CCSER1: variants seen among roughly 807,000 people sequenced by gnomAD.
CCSER1 encodes serine-rich coiled-coil domain-containing protein 1.
CCSER1 carries 41 observed loss-of-function variants against 82.0 expected under a neutral mutation model. The ratio of observed to expected loss-of-function variants is 0.50; its 90% confidence interval spans 0.39 to 0.65. CCSER1 has a LOEUF of 0.65. Ranked by LOEUF, CCSER1 falls within the 30% of genes least tolerant of loss-of-function variation. CCSER1 has a pLI of 0.00. For missense variants in CCSER1, 1,119 were observed against 1,064.2 expected (o/e 1.05, Z -0.72); for synonymous variants, 414 against 383.9 (o/e 1.08, Z -0.92).
At chr4:90,666,455 A>G (rs1731801806) in intron 6 of CCSER1, among the ~76,000 whole-genome samples, 1 of 152,160 alleles carries the variant, frequency 6.6e-6, no homozygotes, top group Non-Finnish European at 1.5e-5. Flanking sequence ...TTTGGCATTA[A>G]TCAGCCAAAA....
At chr4:90,664,492 C>T (rs888559829) in intron 6 of CCSER1, among the ~76,000 whole-genome samples, 51 of 152,036 alleles carry the variant, frequency 3.4e-4, no homozygotes, top group Admixed American at 4.6e-4. Context: ...TATTTTTCTA[C>T]CTTAACATAC....
At chr4:91,173,663 C>G (rs1193752689) in intron 10 of CCSER1, among the ~76,000 whole-genome samples, 4 of 150,818 alleles carry the variant, frequency 2.7e-5, no homozygotes, top group African/African-American at 9.8e-5. Context: ...TTGCTACATT[C>G]CAGGAAAAGA....
chr4:90,362,505 G>A (rs1745545778), intron 3 of CCSER1, among the ~76,000 whole-genome samples: 1 of 152,164 alleles, frequency 6.6e-6, no homozygotes, highest in African/African-American at 2.4e-5. Flanking sequence ...AAGGCTAGGT[G>A]TAATTGAGAA....
chr4:90,824,997 T>C (rs570581170), intron 8 of CCSER1, among the ~76,000 whole-genome samples: 1 of 152,314 alleles, frequency 6.6e-6, no homozygotes, highest in South Asian at 2.1e-4. Flanking sequence ...TATCCTATGA[T>C]ACATAATGGG....
chr4:90,714,710 A>G (rs1741310542), intron 6 of CCSER1, among the ~76,000 whole-genome samples: 1 of 152,070 alleles, frequency 6.6e-6, no homozygotes, highest in African/African-American at 2.4e-5. Flanking sequence ...ACATAAAGTT[A>G]GAAACTGCAG....
At chr4:90,911,135 A>G (rs1320541756) in intron 8 of CCSER1, 10 of 366,132 alleles carry the variant, frequency 2.7e-5, no homozygotes, top group African/African-American at 2.1e-4. Context: ...TCCAATATCC[A>G]TTGTTAAATC....
chr4:90,936,731 T>C (rs1730981784), intron 9 of CCSER1, among the ~76,000 whole-genome samples: 1 of 152,164 alleles, frequency 6.6e-6, no homozygotes, highest in Admixed American at 6.5e-5. Context: ...TAATATAACA[T>C]ATAAAATATA....
intron 5 of CCSER1, among the ~76,000 whole-genome samples, chr4:90,615,719 A>C (rs1579489173): frequency 1.3e-5 from 2 of 151,966 alleles, no homozygotes; most frequent in Non-Finnish European, 2.9e-5. Context: ...CTCTTAGTGA[A>C]TATGCTGTGA....
intron 7 of CCSER1, among the ~76,000 whole-genome samples, chr4:90,734,522 G>A (rs546647272): frequency 1.2e-4 from 19 of 152,020 alleles, no homozygotes; most frequent in Non-Finnish European, 2.6e-4. Flanking sequence ...ATTGTAGAGA[G>A]CTTTCATTTA....
intron 9 of CCSER1, among the ~76,000 whole-genome samples, chr4:90,988,179 A>G (rs1037957558): frequency 6.6e-6 from 1 of 151,244 alleles, no homozygotes. Flanking sequence ...AAATTAAAAA[A>G]TTAAAAATTA....
chr4:91,528,486 A>G (rs993019084), intron 10 of CCSER1, among the ~76,000 whole-genome samples: 3 of 152,182 alleles, frequency 2.0e-5, no homozygotes, highest in Admixed American at 6.5e-5. Flanking sequence ...AAAAAGAGAC[A>G]TATTTCCAAA....
chr4:91,592,049 C>T lies in CCSER1; in HGVS notation c.2218-6523C>T, dbSNP rs138142658. On this transcript the variant is annotated intron_variant, in intron 10 of 10. Transcript: ENST00000509176. ...CAGTAAATGCCAGGTACTGGTAGGA[C>T]ATGTGTATTCAGCATTGAACAAGAC... 2.9e-4 allele frequency among the ~76,000 whole-genome samples: 44 copies of T among 152,230 alleles called. 1 individual carries two copies. The highest frequency in any genetic ancestry group is 6.6e-4 in the Admixed American group (10 of 15,266).
chr4:91,131,416 T>G (rs546846496), intron 10 of CCSER1, among the ~76,000 whole-genome samples: 1 of 151,932 alleles, frequency 6.6e-6, no homozygotes, highest in African/African-American at 2.4e-5. Flanking sequence ...GACCTGGTTG[T>G]ATCTGATAGT....
At chr4:91,063,741 GA>G (rs1471710227) in intron 9 of CCSER1, among the ~76,000 whole-genome samples, 3 of 152,078 alleles carry the variant, frequency 2.0e-5, no homozygotes, top group African/African-American at 4.8e-5. Flanking sequence ...AATTAGAATG[GA>G]AATAAATCCT....
chr4:90,572,469 A>G (rs939149318), intron 5 of CCSER1, among the ~76,000 whole-genome samples: 1 of 152,082 alleles, frequency 6.6e-6, no homozygotes, highest in Non-Finnish European at 1.5e-5. Context: ...CACCTATGAC[A>G]TGAAAGTTTG....
chr4:90,705,966 ACTGCACCCACTGTC>A (rs772200454), intron 6 of CCSER1, among the ~76,000 whole-genome samples: 3 of 152,030 alleles, frequency 2.0e-5, no homozygotes, highest in Admixed American at 1.3e-4. Flanking sequence ...CGCTTGTTGG[ACTGCACCCACTGTC>A]CTGCACCCAC....
chr4:91,321,831 T>A (rs1436567356), intron 10 of CCSER1, among the ~76,000 whole-genome samples: 5 of 152,028 alleles, frequency 3.3e-5, no homozygotes, highest in African/African-American at 1.2e-4. Context: ...CTCCCTTCGA[T>A]CATTTAAATT....
intron 10 of CCSER1, among the ~76,000 whole-genome samples, chr4:91,593,105 G>T (rs747656141): frequency 2.0e-5 from 3 of 152,048 alleles, no homozygotes; most frequent in Non-Finnish European, 2.9e-5. Flanking sequence ...TTTTGGCTTT[G>T]CACATTGGCA....
intron 3 of CCSER1, among the ~76,000 whole-genome samples, chr4:90,352,215 T>C (rs571736731): frequency 2.5e-4 from 38 of 151,852 alleles, no homozygotes; most frequent in Middle Eastern, 6.8e-3. Context: ...TCCCAGCTAC[T>C]CGGGAGGCTG....
Sources: gnomAD v4.1 joint callset for allele counts (sites outside exome capture counted in the v4.1 genomes callset) on GRCh38, gnomAD v4.1.1 for gene constraint, MANE v1.5 for transcripts, NCBI Gene and HGNC (gene_info 2026-07-23, HGNC 2026-07-21) for gene names.